LHFPL6: variants seen among roughly 807,000 people sequenced by gnomAD.
LHFPL6 encodes the protein LHFPL tetraspan subfamily member 6.
LHFPL6 carries 9 observed loss-of-function variants against 20.6 expected under a neutral mutation model. The observed-to-expected ratio is 0.44, with a 90% CI of 0.26 to 0.76. LHFPL6 has a LOEUF of 0.76. LHFPL6 is among the 30% of genes least tolerant of loss of function. LHFPL6 has a pLI of 0.20. For missense variants in LHFPL6, 218 were observed against 253.5 expected (o/e 0.86, Z 0.95); for synonymous variants, 105 against 98.7 (o/e 1.06, Z -0.38).
intron 2 of LHFPL6, among the ~76,000 whole-genome samples, chr13:39,440,488 C>T (rs766010959): frequency 6.6e-6 from 1 of 152,302 alleles, no homozygotes; most frequent in South Asian, 2.1e-4. Flanking sequence ...TAAAATGCAA[C>T]TCAAACAAAC....
intron 3 of LHFPL6, among the ~76,000 whole-genome samples, chr13:39,355,275 T>C (rs896623537): frequency 1.3e-5 from 2 of 151,922 alleles, no homozygotes; most frequent in Non-Finnish European, 2.9e-5. Context: ...CAACCAAGAA[T>C]TTCATTCTAG....
chr13:39,560,488 G>A (rs973814456), intron 2 of LHFPL6, among the ~76,000 whole-genome samples: 4 of 148,302 alleles, frequency 2.7e-5, no homozygotes, highest in African/African-American at 1.0e-4. Flanking sequence ...AATCTCCTTT[G>A]GGTTATGCAA....
chr13:39,595,208 A>G (rs968459972), intron 2 of LHFPL6, among the ~76,000 whole-genome samples: 2 of 152,234 alleles, frequency 1.3e-5, no homozygotes, highest in Non-Finnish European at 2.9e-5. Flanking sequence ...AGATTTATTA[A>G]TTCCTCAACA....
chr13:39,354,653 G>A (rs1368305020), intron 3 of LHFPL6, among the ~76,000 whole-genome samples: 1 of 151,930 alleles, frequency 6.6e-6, no homozygotes, highest in East Asian at 1.9e-4. Flanking sequence ...AATAATCCAA[G>A]GAAACCAGTA....
intron 2 of LHFPL6, among the ~76,000 whole-genome samples, chr13:39,573,530 T>C (rs1041875729): frequency 5.3e-5 from 8 of 152,148 alleles, no homozygotes; most frequent in Admixed American, 3.3e-4. Flanking sequence ...AAAGCAGCCA[T>C]AGTTGTAAAT....
At chr13:39,505,658 G>A (rs1481789583) in intron 2 of LHFPL6, among the ~76,000 whole-genome samples, 1 of 152,158 alleles carries the variant, frequency 6.6e-6, no homozygotes, top group Non-Finnish European at 1.5e-5. Context: ...GTAACAGTGA[G>A]GTAGCAAGTT....
chr13:39,480,445 C>G (rs190196088), intron 2 of LHFPL6, among the ~76,000 whole-genome samples: 1 of 152,164 alleles, frequency 6.6e-6, no homozygotes, highest in Admixed American at 6.5e-5. Context: ...TTACTGTTGT[C>G]CCAAGATAAA....
chr13:39,400,032 G>A (rs769208031), intron 2 of LHFPL6, among the ~76,000 whole-genome samples: 1 of 151,986 alleles, frequency 6.6e-6, no homozygotes, highest in Non-Finnish European at 1.5e-5. Flanking sequence ...GGTGGAGATT[G>A]CGGTGAGCCA....
intron 2 of LHFPL6, among the ~76,000 whole-genome samples, chr13:39,519,478 T>G (rs1870037403): frequency 6.6e-6 from 1 of 152,176 alleles, no homozygotes; most frequent in Non-Finnish European, 1.5e-5. Context: ...TTACACGCAT[T>G]AGTTTGTCTC....
intron 2 of LHFPL6, among the ~76,000 whole-genome samples, chr13:39,392,206 TA>T (rs1566101003): frequency 6.6e-6 from 1 of 152,020 alleles, no homozygotes; most frequent in Non-Finnish European, 1.5e-5. Flanking sequence ...AAGAAGTATT[TA>T]AAATACTACC....
At chr13:39,597,287 T>C (rs1260613571) in intron 2 of LHFPL6, among the ~76,000 whole-genome samples, 6 of 152,236 alleles carry the variant, frequency 3.9e-5, no homozygotes, top group Admixed American at 3.3e-4. Context: ...TTCTGACATT[T>C]GCAAGCACCA....
intron 2 of LHFPL6, among the ~76,000 whole-genome samples, chr13:39,467,815 T>C (rs1261559711): frequency 2.6e-5 from 4 of 152,224 alleles, no homozygotes; most frequent in South Asian, 2.1e-4. Flanking sequence ...AATTATTTAC[T>C]GCTCTTGAAA....
intron 2 of LHFPL6, among the ~76,000 whole-genome samples, chr13:39,409,772 T>C (rs1391104806): frequency 6.6e-6 from 1 of 152,098 alleles, no homozygotes; most frequent in African/African-American, 2.4e-5. Flanking sequence ...AGGGAAGATA[T>C]AATGTGAGAC....
Position 39,344,005 on chromosome 13 carries a change from A to G in LHFPL6, c.534T>C (p.Thr178=). 1.9e-6 allele frequency: 3 copies of G among 1,613,840 alleles called. No individual in the cohort carries two copies. The highest frequency in any genetic ancestry group is 2.5e-6 in the Non-Finnish European group (3 of 1,179,904). ...GCCACGTGCACAGCAGCATGGCGGC[A>G]GTGGCACCTGCTCCCGTGCAGTAGT... ...WAYYCTGAGA[T]AAMLLCTWLA... is the part of the protein sequence containing the mutation. The change falls in exon 4 of 4, where the codon ACT becomes ACC. Residue 178 remains threonine, a synonymous_variant. Transcript: ENST00000379589.
chr13:39,575,235 G>C, intron 2 of LHFPL6, among the ~76,000 whole-genome samples: 1 of 152,110 alleles, frequency 6.6e-6, no homozygotes, highest in Non-Finnish European at 1.5e-5. Flanking sequence ...GAGCACAGAT[G>C]TAAAGACTGA....
chr13:39,567,101 T>G (rs1871749067), intron 2 of LHFPL6, among the ~76,000 whole-genome samples: 1 of 151,932 alleles, frequency 6.6e-6, no homozygotes, highest in Non-Finnish European at 1.5e-5. Flanking sequence ...TTGAAAAGGT[T>G]TTAGCATAGC....
intron 2 of LHFPL6, among the ~76,000 whole-genome samples, chr13:39,551,818 T>A (rs1871151972): frequency 6.6e-6 from 1 of 152,218 alleles, no homozygotes; most frequent in South Asian, 2.1e-4. Context: ...CCCCTGCCTA[T>A]CCCTCACTCA....
intron 2 of LHFPL6, among the ~76,000 whole-genome samples, chr13:39,575,319 C>A (rs897390501): frequency 2.6e-5 from 4 of 152,090 alleles, no homozygotes; most frequent in African/African-American, 9.7e-5. Context: ...ACTATTTGTA[C>A]CCTTACTTGT....
intron 2 of LHFPL6, among the ~76,000 whole-genome samples, chr13:39,385,697 C>T (rs1451206013): frequency 6.6e-6 from 1 of 152,202 alleles, no homozygotes; most frequent in Admixed American, 6.5e-5. Context: ...TTCTGCAAAA[C>T]TCTTTCTATT....
Sources: allele counts gnomAD v4.1 joint callset (sites outside exome capture counted in the v4.1 genomes callset), GRCh38; gene constraint gnomAD v4.1.1; transcripts MANE v1.5; gene names NCBI Gene and HGNC (gene_info 2026-07-23, HGNC 2026-07-21).